The following KIFAP3 variants were observed in gnomAD, a reference collection of about 807,000 sequenced individuals.
KIFAP3 encodes the protein kinesin associated protein 3.
Under a neutral mutation model 106.5 loss-of-function variants are expected in KIFAP3, and 68 were observed. The ratio of observed to expected loss-of-function variants is 0.64; its 90% CI spans 0.53 to 0.78. The LOEUF is 0.78. Among genes scored for constraint, KIFAP3 ranks in the 30% least tolerant of loss-of-function variants. KIFAP3 has a pLI of 0.00. For synonymous variants in KIFAP3, 320 were observed against 311.5 expected (o/e 1.03, Z -0.29); for missense variants, 780 against 941.8 (o/e 0.83, Z 2.25).
At chr1:169,973,533 A>G (rs1666056978) in intron 16 of KIFAP3, among the ~76,000 whole-genome samples, 1 of 140,218 alleles carries the variant, frequency 7.1e-6, no homozygotes, top group Non-Finnish European at 1.6e-5. Context: ...ACTTGATATT[A>G]AAAAAAAAAA....
intron 1 of KIFAP3, among the ~76,000 whole-genome samples, chr1:170,079,797 A>C (rs990080552): frequency 6.6e-6 from 1 of 150,956 alleles, no homozygotes; most frequent in East Asian, 1.9e-4. Context: ...TAATATTTCT[A>C]TTAAAAGAAT....
intron 16 of KIFAP3, among the ~76,000 whole-genome samples, chr1:169,972,961 A>C (rs1422681598): frequency 6.6e-6 from 1 of 151,264 alleles, no homozygotes; most frequent in Non-Finnish European, 1.5e-5. Flanking sequence ...CTGCTCTCCT[A>C]AAAATTCAGG....
At chr1:170,043,665 C>T (rs192289458) in intron 3 of KIFAP3, among the ~76,000 whole-genome samples, 95 of 151,880 alleles carry the variant, frequency 6.3e-4, no homozygotes, top group African/African-American at 1.4e-3. Context: ...TATCCCAGGA[C>T]GATGGGAAGT....
intron 17 of KIFAP3, among the ~76,000 whole-genome samples, chr1:169,965,191 AT>A (rs910302062): frequency 6.6e-6 from 1 of 152,082 alleles, no homozygotes; most frequent in Non-Finnish European, 1.5e-5. Flanking sequence ...TTTGAATGTT[AT>A]TTTTTTAAAG....
At chr1:169,923,176 A>G in intron 19 of KIFAP3, 1 of 597,528 alleles carries the variant, frequency 1.7e-6, no homozygotes, top group Non-Finnish European at 2.1e-6. Context: ...GGGTCCTTCT[A>G]TATAAAAACT....
rs200643889 is a variant in KIFAP3, at chr1:169,954,075, C to T, written c.2209G>A (p.Asp737Asn). ...LIASEGAISP[D>N]FFNDYHLQNG... ...TGAAGGTGGTAATCATTGAAGAAATCGGGACTTATGGCTCCTTCAGAGGCA... is the reference window on the plus strand; with the variant it reads ...TGAAGGTGGTAATCATTGAAGAAATTGGGACTTATGGCTCCTTCAGAGGCA... Residue 737 changes from aspartate to asparagine, a missense_variant, in exon 19 of 20, where the codon GAT becomes AAT. By Grantham distance (23) the Asp-to-Asn change is conservative. Coordinates refer to ENST00000361580, the MANE Select transcript of KIFAP3 (RefSeq NM_014970.4). 3 of 1,612,896 alleles carry T rather than the reference C, an allele frequency of 1.9e-6. No homozygotes were observed. The highest frequency in any genetic ancestry group is 2.2e-5 in the East Asian group (1 of 44,818).
chr1:170,051,538 T>A (rs1670575959), intron 2 of KIFAP3, among the ~76,000 whole-genome samples: 1 of 152,204 alleles, frequency 6.6e-6, no homozygotes, highest in African/African-American at 2.4e-5. Flanking sequence ...AAACAGAATA[T>A]ACATTTTTCT....
At chr1:170,057,775 T>C (rs554799027) in intron 1 of KIFAP3, among the ~76,000 whole-genome samples, 1 of 152,030 alleles carries the variant, frequency 6.6e-6, no homozygotes, top group Non-Finnish European at 1.5e-5. Flanking sequence ...TGAAAAAAAT[T>C]TGAGCCATTA....
In KIFAP3 at chr1:170,055,523, G is replaced by C. The variant is rs967614727; in HGVS notation, c.33-87C>G. 4.7e-6 allele frequency: 5 copies of C among 1,063,934 alleles called. No individual in the cohort carries two copies. In the East Asian group the frequency reaches 1.0e-4, roughly 22 times the overall value. The allele number at this position is 1,063,934 out of a possible 1,614,324, so 65.9% of individuals were successfully genotyped here. On this transcript the variant is annotated intron_variant, in intron 1 of 19. Coordinates refer to ENST00000361580, the MANE Select transcript of KIFAP3 (RefSeq NM_014970.4). ...ATCTATTTTTAGGTCTATAACGTGG[G>C]TTGGATTAACATGTGCATTTGAATC... is the stretch of plus-strand genomic sequence containing the variant.
intron 19 of KIFAP3, among the ~76,000 whole-genome samples, chr1:169,930,905 TTATTAC>T (rs1466221569): frequency 1.9e-4 from 26 of 137,916 alleles, no homozygotes; most frequent in African/African-American, 6.3e-4. Context: ...TTTCATTTTA[TTATTAC>T]TTCTTTTTTT....
At position 169,997,164 on chromosome 1, in the gene KIFAP3, T is replaced by C. The variant is rs545140579; in HGVS notation, c.1184-4909A>G. 1.7e-3 allele frequency among the ~76,000 whole-genome samples: 262 copies of C among 152,296 alleles called. 1 individual carries two copies. Among genetic ancestry groups the C allele is most frequent in the African/African-American group, 6.1e-3 (254 of 41,568 alleles). On this transcript the variant is annotated intron_variant, in intron 10 of 19. Coordinates refer to ENST00000361580, the MANE Select transcript of KIFAP3 (RefSeq NM_014970.4). ...CTGTGGCTCTTCCACTCATTAGCTA[T>C]ACAGTCTTGTGAATGTTATTTAAAT...
At chr1:169,971,112 A>T (rs1665899630) in intron 17 of KIFAP3, among the ~76,000 whole-genome samples, 1 of 152,068 alleles carries the variant, frequency 6.6e-6, no homozygotes, top group Non-Finnish European at 1.5e-5. Context: ...ATCAACTTAC[A>T]TTCTAAACCA....
chr1:170,065,969 C>A (rs1335727534), intron 1 of KIFAP3, among the ~76,000 whole-genome samples: 1 of 152,034 alleles, frequency 6.6e-6, no homozygotes, highest in Non-Finnish European at 1.5e-5. Context: ...CCTGTTTGGC[C>A]CAACTATACT....
intron 19 of KIFAP3, among the ~76,000 whole-genome samples, chr1:169,930,415 TTA>T (rs1663398711): frequency 6.6e-6 from 1 of 152,226 alleles, no homozygotes; most frequent in Admixed American, 6.5e-5. Flanking sequence ...ATGGTCCTTT[TTA>T]TGTTTTCATT....
At chr1:170,007,659 A>T (rs571939088) in intron 10 of KIFAP3, among the ~76,000 whole-genome samples, 1 of 152,224 alleles carries the variant, frequency 6.6e-6, no homozygotes, top group South Asian at 2.1e-4. Flanking sequence ...GCTCATGGAT[A>T]GAAGAATCAA....
Position 170,038,309 on chromosome 1 carries a change from C to A in KIFAP3, c.498G>T (p.Leu166Phe). 1 of 1,600,008 alleles carries A rather than the reference C, an allele frequency of 6.2e-7. No individual in the cohort carries two copies. Among genetic ancestry groups the A allele is most frequent in the Middle Eastern group, 1.7e-4 (1 of 5,988 alleles). ...AATCACCATTCAATAGTAGTTCTTC[C>A]AAGTTATCAGGATTTCGAGCAAGCT... ...ILQLARNPDN[L>F]EELLLNETAL... The change falls in exon 5 of 20, where the codon TTG becomes TTT. Residue 166 changes from leucine to phenylalanine, a missense_variant. By Grantham distance (22) the Leu-to-Phe change is conservative (BLOSUM62 0). Transcript: ENST00000361580.
chr1:169,949,190 A>C (rs191117751), intron 19 of KIFAP3, among the ~76,000 whole-genome samples: 1 of 152,018 alleles, frequency 6.6e-6, no homozygotes, highest in Non-Finnish European at 1.5e-5. Flanking sequence ...TATGTAATAT[A>C]TAATACATAT....
At chr1:169,953,675 C>T (rs906688297) in intron 19 of KIFAP3, among the ~76,000 whole-genome samples, 9 of 152,240 alleles carry the variant, frequency 5.9e-5, no homozygotes, top group Admixed American at 2.6e-4. Context: ...CCACCACACC[C>T]GGCTAATTTT....
chr1:169,960,974 G>A (rs2101862772), intron 18 of KIFAP3, 72 bp downstream of exon 18: 1 of 1,177,398 alleles, frequency 8.5e-7, no homozygotes, highest in East Asian at 2.4e-5. Flanking sequence ...GCTTGGGAAT[G>A]TGCAAGGCTG....
Sources: gnomAD v4.1 joint callset for allele counts (sites outside exome capture counted in the v4.1 genomes callset) on GRCh38, gnomAD v4.1.1 for gene constraint, MANE v1.5 for transcripts, NCBI Gene and HGNC (gene_info 2026-07-23, HGNC 2026-07-21) for gene names.